The following RAP1GDS1 variants were observed in gnomAD, a reference collection of about 807,000 sequenced individuals.
RAP1GDS1 encodes the protein Rap1 GTPase-GDP dissociation stimulator 1.
RAP1GDS1 carries 35 observed loss-of-function variants against 71.1 expected under a neutral mutation model. That is an observed-to-expected ratio of 0.49 (90% CI 0.38 to 0.65). RAP1GDS1 has a LOEUF of 0.65. Ranked by LOEUF, RAP1GDS1 falls within the 30% of genes least tolerant of loss-of-function variation. The pLI is 0.00. For missense variants in RAP1GDS1, 663 were observed against 706.1 expected (o/e 0.94, Z 0.69); for synonymous variants, 229 against 243.1 (o/e 0.94, Z 0.54).
intron 1 of RAP1GDS1, 80 bp downstream of exon 1, chr4:98,261,649 C>T (rs1721982383): frequency 6.7e-7 from 1 of 1,498,374 alleles, no homozygotes; most frequent in Non-Finnish European, 9.1e-7. Flanking sequence ...GCATTTCTCG[C>T]GCAAAGTTGC....
In RAP1GDS1 at chr4:98,274,885, G is replaced by A. The variant is rs140882544; in HGVS notation, c.4+13316G>A. On this transcript the variant is annotated intron_variant, in intron 1 of 14. Transcript: ENST00000408927. ...TCTCCAGTAGTTATTCTCACTGAAAGGTTAAACAAGTTTATTTTCTCTGGA... is the reference window on the plus strand; with the variant it reads ...TCTCCAGTAGTTATTCTCACTGAAAAGTTAAACAAGTTTATTTTCTCTGGA... Among the ~76,000 whole-genome samples, 668 of 152,230 alleles carry A rather than the reference G, an allele frequency of 4.4e-3. 11 individuals carry two copies. Among genetic ancestry groups the A allele is most frequent in the African/African-American group, 0.015 (641 of 41,526 alleles).
chr4:98,424,489 C>T (rs186830855), intron 12 of RAP1GDS1, among the ~76,000 whole-genome samples: 5 of 152,228 alleles, frequency 3.3e-5, no homozygotes, highest in South Asian at 2.1e-4. Context: ...CAGCTGAGTG[C>T]GGTGGCTCAC....
At chr4:98,320,396 G>A (rs1054214884) in intron 2 of RAP1GDS1, among the ~76,000 whole-genome samples, 6 of 152,118 alleles carry the variant, frequency 3.9e-5, no homozygotes, top group African/African-American at 9.7e-5. Flanking sequence ...AAATGTCCCC[G>A]TTACGTGATT....
chr4:98,384,306 T>G (rs867362749), intron 5 of RAP1GDS1, among the ~76,000 whole-genome samples: 1 of 151,658 alleles, frequency 6.6e-6, no homozygotes, highest in Non-Finnish European at 1.5e-5. Context: ...ATTGGGCAGC[T>G]GAAAAGTACT....
rs556897731 is a variant in RAP1GDS1, at chr4:98,416,663, A to G, written c.764-82A>G. On this transcript the variant is annotated intron_variant, in intron 7 of 14. Coordinates refer to ENST00000408927, the MANE Select transcript of RAP1GDS1 (RefSeq NM_001100427.2). ...CCGCACCTGGCCCTCTTAGTTTCTT[A>G]TAATTCTTTATAATGGACTGCTTAT... The G allele has an allele frequency of 2.0e-4, 263 of 1,348,674 alleles. 2 individuals are homozygous for G. In the South Asian group the frequency reaches 3.5e-3, roughly 18 times the overall value. The allele number at this position is 1,348,674 out of a possible 1,614,324, so 83.5% of individuals were successfully genotyped here.
chr4:98,262,605 T>G (rs942087595), intron 1 of RAP1GDS1, among the ~76,000 whole-genome samples: 2 of 152,210 alleles, frequency 1.3e-5, no homozygotes, highest in Non-Finnish European at 2.9e-5. Flanking sequence ...TTGCTTCCAC[T>G]CCTGTCTGTC....
chr4:98,313,053 A>G (rs1192882289), intron 2 of RAP1GDS1, among the ~76,000 whole-genome samples: 1 of 130,760 alleles, frequency 7.6e-6, no homozygotes, highest in Non-Finnish European at 1.6e-5. Context: ...TGGGTGACAG[A>G]GCAAGACTCT....
At chr4:98,404,677 C>G in intron 7 of RAP1GDS1, 75 bp downstream of exon 7, 14 of 1,491,130 alleles carry the variant, frequency 9.4e-6, no homozygotes, top group African/African-American at 1.4e-5. Context: ...TATTTAATTG[C>G]CAGCCATTTG....
intron 7 of RAP1GDS1, among the ~76,000 whole-genome samples, chr4:98,406,844 C>T (rs1023598462): frequency 6.6e-6 from 1 of 151,980 alleles, no homozygotes; most frequent in Non-Finnish European, 1.5e-5. Flanking sequence ...ACCAGGAAAT[C>T]GCTGTATGTT....
intron 4 of RAP1GDS1, among the ~76,000 whole-genome samples, chr4:98,362,497 G>T (rs1383428031): frequency 3.3e-5 from 5 of 151,932 alleles, no homozygotes; most frequent in Admixed American, 3.3e-4. Context: ...CTAACACAAT[G>T]TAGGTATGTC....
intron 2 of RAP1GDS1, among the ~76,000 whole-genome samples, chr4:98,308,178 A>G (rs1029566973): frequency 2.0e-5 from 3 of 150,250 alleles, no homozygotes; most frequent in African/African-American, 7.3e-5. Flanking sequence ...GTGTGTATGT[A>G]TGTGTATGGG....
At chr4:98,278,626 C>T (rs1158976711) in intron 1 of RAP1GDS1, among the ~76,000 whole-genome samples, 1 of 152,076 alleles carries the variant, frequency 6.6e-6, no homozygotes, top group Non-Finnish European at 1.5e-5. Context: ...TGTGTATAGC[C>T]TTCAGCAAGT....
At chr4:98,408,419 C>T (rs1315651382) in intron 7 of RAP1GDS1, among the ~76,000 whole-genome samples, 1 of 152,144 alleles carries the variant, frequency 6.6e-6, no homozygotes, top group Non-Finnish European at 1.5e-5. Flanking sequence ...AGGCATGAGC[C>T]ACCGTGCCTG....
At chr4:98,340,989 A>G (rs1735433158) in intron 2 of RAP1GDS1, among the ~76,000 whole-genome samples, 2 of 152,116 alleles carry the variant, frequency 1.3e-5, no homozygotes, top group African/African-American at 4.8e-5. Flanking sequence ...ATTTACCTAT[A>G]TAAGAAACCT....
intron 2 of RAP1GDS1, among the ~76,000 whole-genome samples, chr4:98,293,941 TATC>T (rs1243116426): frequency 3.3e-5 from 5 of 152,130 alleles, no homozygotes; most frequent in Non-Finnish European, 7.4e-5. Context: ...TTTGGAATCT[TATC>T]ATATTTTAAA....
At chr4:98,365,361 T>A (rs1447613786) in intron 4 of RAP1GDS1, among the ~76,000 whole-genome samples, 3 of 152,146 alleles carry the variant, frequency 2.0e-5, no homozygotes, top group African/African-American at 7.2e-5. Context: ...ACACCTGTAA[T>A]CCCAGCACTT....
chr4:98,301,573 ACT>A (rs1485962414), intron 2 of RAP1GDS1, among the ~76,000 whole-genome samples: 1 of 152,124 alleles, frequency 6.6e-6, no homozygotes, highest in Non-Finnish European at 1.5e-5. Flanking sequence ...AATCTAGCCT[ACT>A]CAGCTTCAGA....
At chr4:98,294,222 G>T (rs1187753977) in intron 2 of RAP1GDS1, among the ~76,000 whole-genome samples, 1 of 151,916 alleles carries the variant, frequency 6.6e-6, no homozygotes, top group African/African-American at 2.4e-5. Flanking sequence ...TTGTGCTGTG[G>T]TTTTTTCTGT....
intron 14 of RAP1GDS1, among the ~76,000 whole-genome samples, chr4:98,437,730 T>C (rs1751336777): frequency 6.6e-6 from 1 of 151,534 alleles, no homozygotes; most frequent in African/African-American, 2.4e-5. Context: ...AAGGCAGAGG[T>C]TGTAGCTGAG....
Sources: allele counts gnomAD v4.1 joint callset (sites outside exome capture counted in the v4.1 genomes callset), GRCh38; gene constraint gnomAD v4.1.1; transcripts MANE v1.5; gene names NCBI Gene and HGNC (gene_info 2026-07-23, HGNC 2026-07-21).